Variants in DOCK4 observed in about 807,000 individuals in gnomAD.
DOCK4 encodes the protein dedicator of cytokinesis protein 4.
In DOCK4, 97 loss-of-function variants were observed where a neutral mutation model predicts 268.1. That is an observed-to-expected ratio of 0.36 (90% CI 0.31 to 0.43). The LOEUF (loss-of-function observed/expected upper bound fraction) is 0.43, where lower values mean the gene tolerates loss of function less well. Ranked by LOEUF, DOCK4 falls within the 20% of genes least tolerant of loss-of-function variation. The pLI, the probability that DOCK4 is intolerant of heterozygous loss-of-function variation, is 1.00. For synonymous variants in DOCK4, 954 were observed against 887.2 expected (o/e 1.08, Z -1.34); for missense variants, 2,145 against 2,455.7 (o/e 0.87, Z 2.67).
intron 1 of DOCK4, among the ~76,000 whole-genome samples, chr7:112,065,345 G>A (rs1806824043): frequency 2.0e-5 from 3 of 151,880 alleles, no homozygotes; most frequent in African/African-American, 7.3e-5. Context: ...TCCTAGTCCT[G>A]AGACTGCTTC....
chr7:112,188,900 C>G (rs2116768279), intron 1 of DOCK4, among the ~76,000 whole-genome samples: 1 of 152,270 alleles, frequency 6.6e-6, no homozygotes, highest in East Asian at 1.9e-4. Context: ...AGTATCAAGT[C>G]AGTAAGAACA....
At chr7:111,958,203 C>G (rs994993530) in intron 8 of DOCK4, among the ~76,000 whole-genome samples, 4 of 152,122 alleles carry the variant, frequency 2.6e-5, no homozygotes, top group African/African-American at 9.7e-5. Context: ...CAATCCCAAC[C>G]CTGTGTCAGG....
intron 8 of DOCK4, among the ~76,000 whole-genome samples, chr7:111,962,188 A>G (rs562930782): frequency 6.6e-6 from 1 of 152,326 alleles, no homozygotes; most frequent in Admixed American, 6.5e-5. Flanking sequence ...TTACATAACT[A>G]TAATACCATA....
intron 1 of DOCK4, among the ~76,000 whole-genome samples, chr7:112,124,997 G>C (rs1360005338): frequency 2.6e-5 from 4 of 152,060 alleles, no homozygotes; most frequent in African/African-American, 4.8e-5. Context: ...TTTTCATAAG[G>C]ATGCTTCAGG....
At chr7:112,123,807 T>C (rs1812965357) in intron 1 of DOCK4, among the ~76,000 whole-genome samples, 1 of 152,132 alleles carries the variant, frequency 6.6e-6, no homozygotes, top group Non-Finnish European at 1.5e-5. Flanking sequence ...TCAGCTATCA[T>C]AAGGAAGAAA....
intron 1 of DOCK4, among the ~76,000 whole-genome samples, chr7:112,025,944 C>T (rs1802750031): frequency 6.6e-6 from 1 of 152,222 alleles, no homozygotes; most frequent in Admixed American, 6.5e-5. Flanking sequence ...AACCCTGGGG[C>T]TTCACCTTGG....
chr7:111,733,355 G>C (rs1563423373), intron 51 of DOCK4, among the ~76,000 whole-genome samples: 1 of 152,154 alleles, frequency 6.6e-6, no homozygotes, highest in African/African-American at 2.4e-5. Context: ...GGTCCTAAGG[G>C]GTCAGTGAGA....
chr7:112,076,436 C>G (rs1808074551), intron 1 of DOCK4, among the ~76,000 whole-genome samples: 6 of 151,988 alleles, frequency 3.9e-5, no homozygotes, highest in Admixed American at 3.9e-4. Context: ...ATTTTAAAAA[C>G]AGATGAGGAA....
intron 32 of DOCK4, chr7:111,784,496 T>C (rs1799030915): frequency 6.2e-6 from 3 of 482,808 alleles, no homozygotes; most frequent in Non-Finnish European, 1.2e-5. Context: ...ACTTAACATT[T>C]GCCCACTCAA....
At chr7:112,004,014 G>A (rs369470108) in intron 2 of DOCK4, 34 bp downstream of exon 2, 62 of 1,491,252 alleles carry the variant, frequency 4.2e-5, no homozygotes, top group East Asian at 1.2e-4. Context: ...ATGAACAGCC[G>A]TATGTTGAGG....
intron 1 of DOCK4, among the ~76,000 whole-genome samples, chr7:112,146,331 T>A (rs953581368): frequency 1.3e-5 from 2 of 152,202 alleles, no homozygotes; most frequent in Non-Finnish European, 2.9e-5. Flanking sequence ...CTTTAACAAG[T>A]TGGCAAAACT....
intron 24 of DOCK4, among the ~76,000 whole-genome samples, chr7:111,846,175 A>T (rs1303364007): frequency 1.3e-5 from 2 of 152,202 alleles, no homozygotes; most frequent in East Asian, 3.8e-4. Flanking sequence ...AGCTGATCGT[A>T]AGTGACAAAT....
At chr7:111,886,569 C>A (rs1484625574) in intron 16 of DOCK4, among the ~76,000 whole-genome samples, 1 of 151,846 alleles carries the variant, frequency 6.6e-6, no homozygotes, top group Non-Finnish European at 1.5e-5. Context: ...TATTTGACCT[C>A]AGTTGTAAAG....
chr7:112,023,270 T>G lies in DOCK4; in HGVS notation c.38-19139A>C, dbSNP rs577270444. Among the ~76,000 whole-genome samples the G allele has an allele frequency of 1.1e-3, 162 of 152,202 alleles. 2 individuals carry two copies. In the Middle Eastern group the frequency reaches 0.037, roughly 35 times the overall value. On this transcript the variant is annotated intron_variant, in intron 1 of 52. Transcript: ENST00000428084. ...TATCCTTCATGAATGATTTCCAGAG[T>G]TGCTCTACAAAGCTGAGGGAAGCAT...
intron 8 of DOCK4, among the ~76,000 whole-genome samples, chr7:111,959,781 C>G (rs929239266): frequency 6.6e-6 from 1 of 152,128 alleles, no homozygotes; most frequent in Non-Finnish European, 1.5e-5. Flanking sequence ...ATGGTAACTT[C>G]TTAGATTTTC....
chr7:111,999,136 A>G (rs1800213538), intron 3 of DOCK4, among the ~76,000 whole-genome samples: 1 of 152,120 alleles, frequency 6.6e-6, no homozygotes, highest in African/African-American at 2.4e-5. Flanking sequence ...TAAATGGGAA[A>G]TTGAAAGAAA....
chr7:112,156,547 C>T (rs891704288), intron 1 of DOCK4, among the ~76,000 whole-genome samples: 1 of 152,112 alleles, frequency 6.6e-6, no homozygotes, highest in African/African-American at 2.4e-5. Context: ...AGAGACAAAC[C>T]CACATAAAAT....
chr7:112,045,747 G>T (rs1285850279), intron 1 of DOCK4, among the ~76,000 whole-genome samples: 3 of 152,158 alleles, frequency 2.0e-5, no homozygotes, highest in Non-Finnish European at 4.4e-5. Context: ...CTCTAAGTCT[G>T]ATGTGTGATA....
chr7:111,772,665 A>G lies in DOCK4; in HGVS notation c.3680-2988T>C, dbSNP rs189603683. Among the ~76,000 whole-genome samples the G allele has an allele frequency of 1.6e-4, 24 of 152,056 alleles. 1 individual carries two copies. The East Asian group carries it at 4.7e-3, about 30-fold the overall frequency. On this transcript the variant is annotated intron_variant, in intron 36 of 52. Coordinates refer to ENST00000428084, the MANE Select transcript of DOCK4 (RefSeq NM_001363540.2). Reference sequence around the variant, plus strand: ...ACAAAAAATTAGCTAGCATGGTGGCAGGCACCTGTAATCCCAGCTACTCAG... The same window carrying G: ...ACAAAAAATTAGCTAGCATGGTGGCGGGCACCTGTAATCCCAGCTACTCAG...
Sources: allele counts gnomAD v4.1 joint callset (sites outside exome capture counted in the v4.1 genomes callset), GRCh38; gene constraint gnomAD v4.1.1; transcripts MANE v1.5; gene names NCBI Gene and HGNC (gene_info 2026-07-23, HGNC 2026-07-21).